The following RAB10 variants were observed in gnomAD, a reference collection of about 807,000 sequenced individuals.
RAB10 encodes RAB10, member RAS oncogene family.
In RAB10, 5 loss-of-function variants were observed where a neutral mutation model predicts 25.7. The ratio of observed to expected loss-of-function variants is 0.19; its 90% confidence interval spans 0.10 to 0.41. RAB10 has a LOEUF of 0.41. RAB10 is among the 10% of genes least tolerant of loss of function. RAB10 has a pLI of 1.00. For missense variants in RAB10, 103 were observed against 245.8 expected (o/e 0.42, Z 3.89); for synonymous variants, 89 against 86.4 (o/e 1.03, Z -0.16).
chr2:26,114,578 A>T (rs1459600789), intron 3 of RAB10, among the ~76,000 whole-genome samples: 1 of 152,088 alleles, frequency 6.6e-6, no homozygotes, highest in African/African-American at 2.4e-5. Flanking sequence ...TTCATACCAT[A>T]CAGAAAAGTT....
intron 1 of RAB10, among the ~76,000 whole-genome samples, chr2:26,059,445 GA>G (rs1352954161): frequency 6.6e-6 from 1 of 152,146 alleles, no homozygotes; most frequent in Non-Finnish European, 1.5e-5. Context: ...GCATACATTA[GA>G]ATAACCCTTA....
At chr2:26,086,463 T>A (rs1666990531) in intron 1 of RAB10, among the ~76,000 whole-genome samples, 1 of 152,212 alleles carries the variant, frequency 6.6e-6, no homozygotes, top group African/African-American at 2.4e-5. Flanking sequence ...GTAACAAGTA[T>A]GATTGAGGAC....
At chr2:26,052,410 A>G (rs996790932) in intron 1 of RAB10, among the ~76,000 whole-genome samples, 1 of 151,876 alleles carries the variant, frequency 6.6e-6, no homozygotes, top group Non-Finnish European at 1.5e-5. Context: ...TTCAAGGTCT[A>G]AACATGGGCA....
intron 1 of RAB10, among the ~76,000 whole-genome samples, chr2:26,061,092 CTTTTTTTTTT>C (rs5829993): frequency 8.4e-5 from 7 of 83,640 alleles, no homozygotes; most frequent in Admixed American, 1.8e-4. Flanking sequence ...TTATCTCTGT[CTTTTTTTTTT>C]TTTTTTTTTT....
At chr2:26,124,227 G>GT in intron 3 of RAB10, among the ~76,000 whole-genome samples, 1 of 151,482 alleles carries the variant, frequency 6.6e-6, no homozygotes, top group African/African-American at 2.4e-5. Flanking sequence ...GTTATACATG[G>GT]TATACCCTTA....
At chr2:26,041,672 G>C (rs4665813) in intron 1 of RAB10, among the ~76,000 whole-genome samples, 115,828 of 151,924 alleles carry the variant, frequency 0.76, 44,258 homozygotes, top group East Asian at 0.87. Flanking sequence ...TTGGGAGACC[G>C]AGGCGGGCAG....
chr2:26,126,939 G>T (rs1010801551), intron 3 of RAB10, among the ~76,000 whole-genome samples: 1 of 152,184 alleles, frequency 6.6e-6, no homozygotes, highest in Non-Finnish European at 1.5e-5. Context: ...ATTTGACATG[G>T]ATATGTCTTG....
rs751277669 is a variant in RAB10 at position 26,098,643 on chromosome 2, CT to C, written c.128-12del. ...ATGTAAAGCCACAGTTACAGTTTAC[CT>C]TTTTTTCTGCATTGTAGGAATAGAC... On this transcript the variant is annotated intron_variant, in intron 1 of 5. Transcript: ENST00000264710. 6 of 1,547,122 alleles carry C rather than the reference CT, an allele frequency of 3.9e-6. No homozygotes were observed. Among genetic ancestry groups the C allele is most frequent in the East Asian group, 2.3e-5 (1 of 44,280 alleles).
intron 1 of RAB10, among the ~76,000 whole-genome samples, chr2:26,085,645 G>A (rs1252103621): frequency 2.6e-5 from 4 of 151,978 alleles, no homozygotes; most frequent in Admixed American, 2.6e-4. Context: ...TAAAAAGACG[G>A]TACAGAATGG....
At chr2:26,047,642 C>G (rs1293945562) in intron 1 of RAB10, among the ~76,000 whole-genome samples, 2 of 151,500 alleles carry the variant, frequency 1.3e-5, no homozygotes, top group Non-Finnish European at 2.9e-5. Flanking sequence ...GTCTTGAACG[C>G]CTGACCTCAG....
chr2:26,063,885 C>T (rs1336140628), intron 1 of RAB10, among the ~76,000 whole-genome samples: 1 of 152,156 alleles, frequency 6.6e-6, no homozygotes, highest in Non-Finnish European at 1.5e-5. Flanking sequence ...GCAACCTCTG[C>T]CTCCCGGGTT....
At chr2:26,036,820 C>T (rs1016482916) in intron 1 of RAB10, among the ~76,000 whole-genome samples, 3 of 151,902 alleles carry the variant, frequency 2.0e-5, no homozygotes, top group Non-Finnish European at 1.5e-5. Flanking sequence ...GACTGAGCCT[C>T]ACTCTGTGGC....
In RAB10 at chr2:26,136,816, C is replaced by A. The variant is rs1179239321; in HGVS notation, c.*1795C>A. The A allele has an allele frequency of 6.6e-6, 1 of 152,554 alleles. No individual in the cohort carries two copies. Among genetic ancestry groups the A allele is most frequent in the Non-Finnish European group, 1.5e-5 (1 of 68,050 alleles). 9.5% of individuals were successfully genotyped at this position (152,554 alleles called of 1,614,324 possible). A position where few individuals can be genotyped will look rare whatever the true frequency, so the allele number is the denominator to read the frequency against. On this transcript the variant is annotated 3_prime_UTR_variant, in exon 6 of 6. Coordinates refer to ENST00000264710, the MANE Select transcript of RAB10 (RefSeq NM_016131.5). ...GCCCTAAAAACAATTTTATATGCCT[C>A]ACTGGTTGTTATTCTTAGGTTATTC... is the stretch of plus-strand genomic sequence containing the variant.
chr2:26,042,082 A>G (rs1332423466), intron 1 of RAB10, among the ~76,000 whole-genome samples: 4 of 152,124 alleles, frequency 2.6e-5, no homozygotes, highest in African/African-American at 7.2e-5. Context: ...TTTGTCCCCA[A>G]AGCACAAGCT....
At chr2:26,098,140 G>GCC (rs1667267583) in intron 1 of RAB10, among the ~76,000 whole-genome samples, 3 of 43,702 alleles carry the variant, frequency 6.9e-5, no homozygotes, top group Admixed American at 3.2e-4. Context: ...TTTTTTTTGA[G>GCC]ACATGGTCTT....
At chr2:26,077,365 G>A (rs1243796738) in intron 1 of RAB10, among the ~76,000 whole-genome samples, 1 of 152,150 alleles carries the variant, frequency 6.6e-6, no homozygotes, top group East Asian at 1.9e-4. Context: ...TGCTTTTGTG[G>A]TGTTGCTTCT....
intron 5 of RAB10, 70 bp from the exon 6 acceptor site, chr2:26,134,868 C>G: frequency 8.3e-7 from 1 of 1,211,886 alleles, no homozygotes. Flanking sequence ...TAAGAATATT[C>G]CTGTTGAATC....
At position 26,122,355 on chromosome 2, in the gene RAB10, G is replaced by A. The variant is rs536848363; in HGVS notation, c.328-4789G>A. ...AGAAAGGCATACTTGTAGGCTGGGC[G>A]CGGTGGCTCACGCCTGTAATCCCAG... On this transcript the variant is annotated intron_variant, in intron 3 of 5. Coordinates refer to ENST00000264710, the MANE Select transcript of RAB10 (RefSeq NM_016131.5). Among the ~76,000 whole-genome samples, 12 of 152,310 alleles carry A rather than the reference G, an allele frequency of 7.9e-5. No homozygotes were observed. In the South Asian group the frequency reaches 1.7e-3, roughly 21 times the overall value.
intron 3 of RAB10, among the ~76,000 whole-genome samples, chr2:26,116,945 C>T (rs1412960702): frequency 6.6e-6 from 1 of 151,724 alleles, no homozygotes; most frequent in Non-Finnish European, 1.5e-5. Flanking sequence ...AGCTGGACTT[C>T]AGGCATGTGC....
Sources: allele counts gnomAD v4.1 joint callset (sites outside exome capture counted in the v4.1 genomes callset), GRCh38; gene constraint gnomAD v4.1.1; transcripts MANE v1.5; gene names NCBI Gene and HGNC (gene_info 2026-07-23, HGNC 2026-07-21).